Variants in BBS4 observed in about 807,000 individuals in gnomAD.
The protein encoded by BBS4 is BBSome complex member BBS4.
In BBS4, 58 loss-of-function variants were observed where a neutral mutation model predicts 71.4. The observed-to-expected ratio is 0.81, with a 90% confidence interval of 0.66 to 1.01. The LOEUF is 1.01. BBS4 is among the 50% of genes least tolerant of loss of function. The probability of loss-of-function intolerance (pLI) is 0.00; values close to 1 mark genes in which losing one functional copy is unlikely to be tolerated. For synonymous variants in BBS4, 228 were observed against 216.8 expected (o/e 1.05, Z -0.46); for missense variants, 660 against 607.9 (o/e 1.09, Z -0.90).
rs58644289 is a variant in BBS4, at chr15:72,688,411, C to CTTTTTTTTTTTTTTTTTTTTTT, written c.24+2180_24+2181insTTTTTTTTTTTTTTTTTTTTTT. On this transcript the variant is annotated intron_variant, in intron 1 of 15. Coordinates refer to ENST00000268057, the MANE Select transcript of BBS4 (RefSeq NM_033028.5). ...GTCCTTTTAGGAAGTGGTATTTTAT[C>CTTTTTTTTTTTTTTTTTTTTTT]TTTTTTTTTTTTTTTTTTTTGAGAC... Among the ~76,000 whole-genome samples the CTTTTTTTTTTTTTTTTTTTTTT allele has an allele frequency of 2.4e-3, 197 of 83,050 alleles. 32 individuals are homozygous for CTTTTTTTTTTTTTTTTTTTTTT. The highest frequency in any genetic ancestry group is 6.8e-3 in the East Asian group (13 of 1,908). 54.5% of individuals were successfully genotyped at this position (83,050 alleles called of 152,430 possible). A position where few individuals can be genotyped will look rare whatever the true frequency, so the allele number is the denominator to read the frequency against.
chr15:72,708,041 A>G (rs950439500), intron 2 of BBS4, among the ~76,000 whole-genome samples: 1 of 151,070 alleles, frequency 6.6e-6, no homozygotes, highest in East Asian at 1.9e-4. Flanking sequence ...ATCTCGGCTC[A>G]CTGTAACCTC....
At chr15:72,701,225 T>C (rs2065163615) in intron 2 of BBS4, among the ~76,000 whole-genome samples, 1 of 152,258 alleles carries the variant, frequency 6.6e-6, no homozygotes, top group African/African-American at 2.4e-5. Context: ...ATGCAGTGTG[T>C]ACTTTTTAAT....
chr15:72,688,667 T>C (rs1162672020), intron 1 of BBS4, among the ~76,000 whole-genome samples: 1 of 152,156 alleles, frequency 6.6e-6, no homozygotes, highest in African/African-American at 2.4e-5. Flanking sequence ...TCTCCCAAAG[T>C]GTTGGGATTA....
intron 2 of BBS4, 67 bp downstream of exon 2, chr15:72,695,295 A>ATTTTT: frequency 1.0e-6 from 1 of 978,348 alleles, no homozygotes; most frequent in East Asian, 3.1e-5. Flanking sequence ...TTATTTATTT[A>ATTTTT]TTTTTTTTTT....
chr15:72,727,940 G>T lies in BBS4; in HGVS notation c.588G>T (p.Glu196Asp). 1 of 1,610,950 alleles carries T rather than the reference G, an allele frequency of 6.2e-7. No individual in the cohort carries two copies. The highest frequency in any genetic ancestry group is 8.5e-7 in the Non-Finnish European group (1 of 1,177,264). The change falls in exon 9 of 16, where the codon GAG (glutamate) becomes GAT (aspartate). Residue 196 changes from glutamate to aspartate, a missense_variant and splice_region_variant. Coordinates refer to ENST00000268057, the MANE Select transcript of BBS4 (RefSeq NM_033028.5). ...CCCTCTGAGCATCTCTATGTTGCAGGTTCTCACCAGAAAATACAGAGCTTC... is the reference window on the plus strand; with the variant it reads ...CCCTCTGAGCATCTCTATGTTGCAGTTTCTCACCAGAAAATACAGAGCTTC... ...KAIEVYKKAV[E>D]FSPENTELLT... is the part of the protein sequence containing the mutation.
In BBS4 at chr15:72,738,049, C is replaced by T. The variant is rs1340788505; in HGVS notation, c.*462C>T. ...GAGGTTTATTAGTCCCCAAGGCAAA[C>T]ACAAATATTAGATTAATAATCCAAC... On this transcript the variant is annotated 3_prime_UTR_variant, in exon 16 of 16. Transcript: ENST00000268057. The T allele has an allele frequency of 1.8e-5, 8 of 454,008 alleles. No individual in the cohort carries two copies. Among genetic ancestry groups the T allele is most frequent in the Non-Finnish European group, 3.5e-5 (8 of 226,808 alleles). 28.1% of individuals were successfully genotyped at this position (454,008 alleles called of 1,614,324 possible).
chr15:72,738,063 T>G lies in BBS4; in HGVS notation c.*476T>G, dbSNP rs1413119356. The stretch of plus-strand genomic sequence containing the variant: ...CCCAAGGCAAACACAAATATTAGAT[T>G]AATAATCCAACTTTAATAGTATACA... On this transcript the variant is annotated 3_prime_UTR_variant, in exon 16 of 16. Coordinates refer to ENST00000268057, the MANE Select transcript of BBS4 (RefSeq NM_033028.5). The G allele has an allele frequency of 2.2e-6, 1 of 453,938 alleles. No homozygotes were observed. Among genetic ancestry groups the G allele is most frequent in the Non-Finnish European group, 4.4e-6 (1 of 226,754 alleles). 28.1% of individuals were successfully genotyped at this position (453,938 alleles called of 1,614,324 possible).
Position 72,732,024 on chromosome 15 carries a change from C to T in BBS4, c.1036+298C>T, listed in dbSNP as rs115624636. ...CAATTCATTTATGTATATATTGAGT[C>T]CAACTAAGTTCCAGACAGCAAGTGT... On this transcript the variant is annotated intron_variant, in intron 12 of 15. Coordinates refer to ENST00000268057, the MANE Select transcript of BBS4 (RefSeq NM_033028.5). Among the ~76,000 whole-genome samples the T allele has an allele frequency of 3.8e-3, 571 of 152,264 alleles. 1 individual carries two copies. Among genetic ancestry groups the T allele is most frequent in the African/African-American group, 0.013 (553 of 41,552 alleles).
rs180842383 is a variant in BBS4 at position 72,708,954 on chromosome 15, C to T, written c.77-746C>T. 1.7e-4 allele frequency among the ~76,000 whole-genome samples: 26 copies of T among 152,210 alleles called. 1 individual carries two copies. Among genetic ancestry groups the T allele is most frequent in the Admixed American group, 1.3e-3 (20 of 15,280 alleles). On this transcript the variant is annotated intron_variant, in intron 2 of 15. Transcript: ENST00000268057. ...ATGTTTATCAAGACAATTTGTGCAC[C>T]GCTGAACATAGACTCTTATCAGTAA...
Position 72,731,550 on chromosome 15 carries a change from C to G in BBS4, c.865-5C>G, listed in dbSNP as rs2151047807. On this transcript the variant is annotated splice_region_variant and splice_polypyrimidine_tract_variant and intron_variant, in intron 11 of 15. Transcript: ENST00000268057. ...TTCTCATTGAGTGCCCCTTCTCTCTCATAGGCCATCAGCTGCCTGAAACGA... is the reference window on the plus strand; with the variant it reads ...TTCTCATTGAGTGCCCCTTCTCTCTGATAGGCCATCAGCTGCCTGAAACGA... 4 of 1,614,230 alleles carry G rather than the reference C, an allele frequency of 2.5e-6. No individual in the cohort carries two copies. Among genetic ancestry groups the G allele is most frequent in the Non-Finnish European group, 3.4e-6 (4 of 1,180,034 alleles).
intron 1 of BBS4, among the ~76,000 whole-genome samples, chr15:72,688,567 C>T (rs1028358854): frequency 1.3e-5 from 2 of 151,988 alleles, no homozygotes; most frequent in Admixed American, 1.3e-4. Flanking sequence ...GCCCTCACCA[C>T]CATGCCTGGC....
At position 72,691,190 on chromosome 15, in the gene BBS4, C is replaced by T. The variant is rs112731959; in HGVS notation, c.25-3987C>T. Among the ~76,000 whole-genome samples, 80 of 152,198 alleles carry T rather than the reference C, an allele frequency of 5.3e-4. 1 individual carries two copies. Among genetic ancestry groups the T allele is most frequent in the African/African-American group, 1.5e-3 (62 of 41,518 alleles). On this transcript the variant is annotated intron_variant, in intron 1 of 15. Coordinates refer to ENST00000268057, the MANE Select transcript of BBS4 (RefSeq NM_033028.5). ...AGAGGCGGGGTTTTGCCATGTTGCC[C>T]AGGCTGGTCTTAAACTCCTGAACTC...
At chr15:72,733,293 C>A (rs2065861341) in intron 12 of BBS4, among the ~76,000 whole-genome samples, 1 of 152,000 alleles carries the variant, frequency 6.6e-6, no homozygotes, top group African/African-American at 2.4e-5. Flanking sequence ...CCATTCCTCT[C>A]TCTTTTTTTA....
intron 9 of BBS4, 31 bp from the exon 10 acceptor site, chr15:72,729,585 T>C: frequency 1.9e-6 from 3 of 1,609,972 alleles, no homozygotes; most frequent in Non-Finnish European, 2.6e-6. Context: ...TCCTTGCTGA[T>C]GTAAATTGTC....
At chr15:72,686,327 C>T in intron 1 of BBS4, 76 bp downstream of exon 1, 2 of 1,547,022 alleles carry the variant, frequency 1.3e-6, no homozygotes, top group Non-Finnish European at 8.7e-7. Flanking sequence ...TCCCATGCAG[C>T]GGTTCCTGGA....
In BBS4 at chr15:72,735,884, AG is replaced by A; in HGVS notation, c.1167del (p.Asn390ThrfsTer79). ...AVLLYNQGEK[K>X]NALAQYQEME... ...CTGCTGTACAACCAGGGCGAGAAGA[AG>A]AACGCCCTGGCCCAATATCAGGAGA... On this transcript the variant is annotated frameshift_variant, in exon 14 of 16. Coordinates refer to ENST00000268057, the MANE Select transcript of BBS4 (RefSeq NM_033028.5). LOFTEE classifies it high-confidence loss of function. 1 of 1,614,114 alleles carries A rather than the reference AG, an allele frequency of 6.2e-7. No homozygotes were observed. Among genetic ancestry groups the A allele is most frequent in the Non-Finnish European group, 8.5e-7 (1 of 1,179,964 alleles).
At chr15:72,698,701 A>G (rs1448353586) in intron 2 of BBS4, among the ~76,000 whole-genome samples, 2 of 152,226 alleles carry the variant, frequency 1.3e-5, no homozygotes, top group Non-Finnish European at 2.9e-5. Flanking sequence ...TAAAAGTTGT[A>G]GAAACTAGGA....
intron 6 of BBS4, among the ~76,000 whole-genome samples, chr15:72,722,305 A>C (rs1360607488): frequency 1.3e-5 from 2 of 152,198 alleles, no homozygotes; most frequent in Non-Finnish European, 2.9e-5. Flanking sequence ...TCACCTAGTA[A>C]ATTTAGTACT....
chr15:72,731,659 T>G lies in BBS4; in HGVS notation c.969T>G (p.Ala323=). The change falls in exon 12 of 16, where the codon GCT becomes GCG. Residue 323 remains alanine (A), a synonymous_variant. Transcript: ENST00000268057. ...TGACCATGCAGCAGTATGCATCAGC[T>G]TTTCATTTTCTCAGTGCGGCCATCA... The part of the protein sequence containing the change: ...VHLTMQQYAS[A]FHFLSAAINF... The G allele has an allele frequency of 6.2e-7, 1 of 1,614,244 alleles. No individual in the cohort carries two copies. The highest frequency in any genetic ancestry group is 1.1e-5 in the South Asian group (1 of 91,090).
Sources: gnomAD v4.1 joint callset for allele counts (sites outside exome capture counted in the v4.1 genomes callset) on GRCh38, gnomAD v4.1.1 for gene constraint, MANE v1.5 for transcripts, NCBI Gene and HGNC (gene_info 2026-07-23, HGNC 2026-07-21) for gene names.